The following ENTPD6 variants were observed in gnomAD, a reference collection of about 807,000 sequenced individuals.
ENTPD6 encodes ectonucleoside triphosphate diphosphohydrolase 6.
ENTPD6 carries 46 observed loss-of-function variants against 61.5 expected under a neutral mutation model. That is an observed-to-expected ratio of 0.75 (90% CI 0.59 to 0.96). The LOEUF is 0.96. Among genes scored for constraint, ENTPD6 ranks in the 40% least tolerant of loss-of-function variants. The probability of loss-of-function intolerance (pLI) is 0.00; values close to 1 mark genes in which losing one functional copy is unlikely to be tolerated. For missense variants in ENTPD6, 612 were observed against 629.0 expected (o/e 0.97, Z 0.29); for synonymous variants, 252 against 255.5 (o/e 0.99, Z 0.13).
In ENTPD6 at chr20:25,207,058, C is replaced by T. The variant is rs1568611621; in HGVS notation, c.55-18C>T. The T allele has an allele frequency of 1.3e-6, 2 of 1,585,298 alleles. No homozygotes were observed. Among genetic ancestry groups the T allele is most frequent in the Admixed American group, 1.7e-5 (1 of 58,488 alleles). ...GCACCCTAACGTGCTTTTCCTGCCT[C>T]TCCCCCCTTCCCACCAGCAGCCGCA... On this transcript the variant is annotated intron_variant, in intron 2 of 14. Coordinates refer to ENST00000376652, the MANE Select transcript of ENTPD6 (RefSeq NM_001247.5).
In ENTPD6 at chr20:25,225,833, G is replaced by A; in HGVS notation, c.*236G>A. ...TGCTCAATGCCACCTGTCTGCCTGG[G>A]CTCCAAGTGGGCAGGACCAGGACAG... On this transcript the variant is annotated 3_prime_UTR_variant, in exon 15 of 15. Transcript: ENST00000376652. 1 of 506,224 alleles carries A rather than the reference G, an allele frequency of 2.0e-6. No homozygotes were observed. Among genetic ancestry groups the A allele is most frequent in the East Asian group, 3.4e-5 (1 of 29,578 alleles). The allele number at this position is 506,224 out of a possible 1,614,324, so 31.4% of individuals were successfully genotyped here. A position where few individuals can be genotyped will look rare whatever the true frequency, so the allele number is the denominator to read the frequency against.
intron 10 of ENTPD6, 36 bp from the exon 11 acceptor site, chr20:25,221,196 C>A: frequency 6.5e-7 from 1 of 1,548,274 alleles, no homozygotes; most frequent in Non-Finnish European, 8.9e-7. Flanking sequence ...CGGTGATATA[C>A]CTTCCTTTCT....
intron 1 of ENTPD6, among the ~76,000 whole-genome samples, chr20:25,201,329 C>T (rs1383057266): frequency 3.9e-5 from 6 of 152,116 alleles, no homozygotes; most frequent in African/African-American, 1.4e-4. Flanking sequence ...TTTTTCTGTC[C>T]ATTATTCAAA....
Position 25,225,240 on chromosome 20 carries a change from C to A in ENTPD6, c.1279C>A (p.Pro427Thr). The change falls in exon 14 of 15, where the codon CCC becomes ACC. Residue 427 changes from proline to threonine, a missense_variant. Coordinates refer to ENST00000376652, the MANE Select transcript of ENTPD6 (RefSeq NM_001247.5). ...CCTGGAGACACAGCCGCAGAGCAGC[C>A]CCTTCTCATGCATGGACCTCACCTA... is the stretch of plus-strand genomic sequence containing the variant. ...RTLETQPQSS[P>T]FSCMDLTYVS... 1 of 1,613,572 alleles carries A rather than the reference C, an allele frequency of 6.2e-7. No individual in the cohort carries two copies. The highest frequency in any genetic ancestry group is 8.5e-7 in the Non-Finnish European group (1 of 1,179,910).
intron 5 of ENTPD6, 108 bp downstream of exon 5, chr20:25,213,514 C>A: frequency 1.6e-6 from 2 of 1,212,324 alleles, no homozygotes; most frequent in Non-Finnish European, 2.3e-6. Context: ...GACACAGATG[C>A]TTCTGAAGAA....
At position 25,222,996 on chromosome 20, in the gene ENTPD6, G is replaced by A. The variant is rs757383050; in HGVS notation, c.1186+18G>A. 2.5e-6 allele frequency: 4 copies of A among 1,609,504 alleles called. No individual in the cohort carries two copies. Among genetic ancestry groups the A allele is most frequent in the Non-Finnish European group, 3.4e-6 (4 of 1,178,014 alleles). On this transcript the variant is annotated intron_variant, in intron 12 of 14. Transcript: ENST00000376652. The stretch of plus-strand genomic sequence containing the variant: ...CCTCATAGGTAAGGGGGCCCGGATG[G>A]GCTGAGCAGGAAGGTCGGGGCGGCA...
At chr20:25,217,642 C>T (rs2092389885) in intron 9 of ENTPD6, 61 bp downstream of exon 9, 4 of 1,409,738 alleles carry the variant, frequency 2.8e-6, no homozygotes, top group African/African-American at 2.8e-5. Context: ...CTCCCAGGGC[C>T]TCGCATGGCC....
chr20:25,203,125 G>C (rs1374218247), intron 1 of ENTPD6, among the ~76,000 whole-genome samples: 3 of 152,130 alleles, frequency 2.0e-5, no homozygotes, highest in Admixed American at 1.3e-4. Context: ...GGCCTCTGAG[G>C]TTTCTGCTAA....
chr20:25,197,353 C>CCG, intron 1 of ENTPD6: 3 of 511,484 alleles, frequency 5.9e-6, no homozygotes, highest in Non-Finnish European at 7.6e-6. Flanking sequence ...GTGGCCTCAG[C>CCG]AGGAGCCACA....
rs145737836 is a variant in ENTPD6, at chr20:25,224,513, G to A, written c.1243+356G>A. The A allele has an allele frequency of 2.2e-3, 394 of 180,246 alleles. 2 individuals are homozygous for A. Among genetic ancestry groups the A allele is most frequent in the Middle Eastern group, 7.0e-3 (3 of 430 alleles). 11.2% of individuals were successfully genotyped at this position (180,246 alleles called of 1,614,324 possible). ...GGGGTGGAGGGCTGTCCCCGGGGTC[G>A]CAGGTGACCAGCCCAGCAGACCCTG... On this transcript the variant is annotated intron_variant, in intron 13 of 14. Transcript: ENST00000376652.
At chr20:25,220,500 T>C (rs1427917431) in intron 10 of ENTPD6, among the ~76,000 whole-genome samples, 1 of 151,654 alleles carries the variant, frequency 6.6e-6, no homozygotes, top group Non-Finnish European at 1.5e-5. Flanking sequence ...GGCAGCTGTC[T>C]AAATCCCCCG....
rs1469175465 is a variant in ENTPD6, at chr20:25,216,496, T to C, written c.710-152T>C. ...GGAGCCATTACTCTTGTCCCTTAGA[T>C]ATATAGTGTACCCTTAAATGGAGAT... On this transcript the variant is annotated intron_variant, in intron 7 of 14. Coordinates refer to ENST00000376652, the MANE Select transcript of ENTPD6 (RefSeq NM_001247.5). 7 of 607,870 alleles carry C rather than the reference T, an allele frequency of 1.2e-5. No homozygotes were observed. In the Admixed American group the frequency reaches 1.8e-4, roughly 16 times the overall value. 37.7% of individuals were successfully genotyped at this position (607,870 alleles called of 1,614,324 possible). A position where few individuals can be genotyped will look rare whatever the true frequency, so the allele number is the denominator to read the frequency against.
At chr20:25,214,480 C>T (rs975527041) in intron 5 of ENTPD6, among the ~76,000 whole-genome samples, 1 of 152,226 alleles carries the variant, frequency 6.6e-6, no homozygotes, top group African/African-American at 2.4e-5. Context: ...TTCCCCCAGT[C>T]TATGCAGCCC....
chr20:25,213,480 C>A, intron 5 of ENTPD6, 74 bp downstream of exon 5: 1 of 1,476,990 alleles, frequency 6.8e-7, no homozygotes, highest in Non-Finnish European at 9.1e-7. Context: ...ACTGCTGTCT[C>A]ACCAGTGCCG....
chr20:25,220,182 A>AC (rs111567662), intron 10 of ENTPD6, among the ~76,000 whole-genome samples: 18 of 152,056 alleles, frequency 1.2e-4, no homozygotes, highest in Non-Finnish European at 2.1e-4. Flanking sequence ...TGCGTAACAG[A>AC]CCCCCCAAGT....
chr20:25,214,912 T>A lies in ENTPD6; in HGVS notation c.643T>A (p.Cys215Ser). The change falls in exon 6 of 15, where the codon TGT becomes AGT. Residue 215 changes from cysteine to serine, a missense_variant. Coordinates refer to ENST00000376652, the MANE Select transcript of ENTPD6 (RefSeq NM_001247.5). ...ATCGCCTTTCCTTGTAGGGGATGAC[T>A]GTGTTTCCATCATGAACGGAACAGA... ...KASPFLVGDD[C>S]VSIMNGTDEG... is the part of the protein sequence containing the mutation. 1 of 1,609,190 alleles carries A rather than the reference T, an allele frequency of 6.2e-7. No homozygotes were observed. Among genetic ancestry groups the A allele is most frequent in the Middle Eastern group, 1.7e-4 (1 of 6,054 alleles).
At chr20:25,207,663 C>T (rs2091623975) in intron 3 of ENTPD6, among the ~76,000 whole-genome samples, 1 of 152,194 alleles carries the variant, frequency 6.6e-6, no homozygotes, top group African/African-American at 2.4e-5. Flanking sequence ...ACCAGCAGGT[C>T]AGGTGGCTAG....
intron 1 of ENTPD6, among the ~76,000 whole-genome samples, chr20:25,203,782 G>A (rs2091239061): frequency 6.6e-6 from 1 of 152,154 alleles, no homozygotes; most frequent in Admixed American, 6.5e-5. Context: ...CTCTGAATGA[G>A]CTGTGTTTTC....
chr20:25,215,060 C>T (rs1005592552), intron 6 of ENTPD6, 118 bp downstream of exon 6: 28 of 668,584 alleles, frequency 4.2e-5, no homozygotes, highest in South Asian at 1.9e-4. Flanking sequence ...CCTCCTCCCC[C>T]GTCCGATGCT....
Sources: gnomAD v4.1 joint callset for allele counts (sites outside exome capture counted in the v4.1 genomes callset) on GRCh38, gnomAD v4.1.1 for gene constraint, MANE v1.5 for transcripts, NCBI Gene and HGNC (gene_info 2026-07-23, HGNC 2026-07-21) for gene names.